The following ROBO1 variants were observed in gnomAD, a reference collection of about 807,000 sequenced individuals.
The protein encoded by ROBO1 is roundabout guidance receptor 1.
In ROBO1, 149 loss-of-function variants were observed where a neutral mutation model predicts 195.9. The ratio of observed to expected loss-of-function variants is 0.76; its 90% CI spans 0.67 to 0.87. The LOEUF (loss-of-function observed/expected upper bound fraction) is 0.87. Ranked by LOEUF, ROBO1 falls within the 40% of genes least tolerant of loss-of-function variation. ROBO1 has a pLI of 0.00. For synonymous variants in ROBO1, 816 were observed against 733.2 expected (o/e 1.11, Z -1.82); for missense variants, 1,933 against 2,068.3 (o/e 0.93, Z 1.27).
rs117866931 is a variant in ROBO1, at chr3:79,667,078, G to A, written c.-50-77117C>T. 3.0e-3 allele frequency among the ~76,000 whole-genome samples: 459 copies of A among 151,712 alleles called. 9 individuals are homozygous for A. The East Asian group carries it at 0.04, about 13-fold the overall frequency. On this transcript the variant is annotated intron_variant, in intron 1 of 30. Coordinates refer to ENST00000464233, the MANE Select transcript of ROBO1 (RefSeq NM_002941.4). ...ATATTTATTTTACTCCTCTGGATTC[G>A]GCCAGTGAGTAGATTACACGTGTCA...
intron 3 of ROBO1, among the ~76,000 whole-genome samples, chr3:78,984,492 T>C (rs2077062072): frequency 1.3e-5 from 2 of 152,278 alleles, no homozygotes; most frequent in African/African-American, 4.8e-5. Flanking sequence ...CAATAATACT[T>C]ACACTGGGAA....
In ROBO1 at chr3:78,606,946, G is replaced by C; in HGVS notation, c.4531C>G (p.Leu1511Val). The part of the protein sequence containing the change: ...LEVRPVVVPK[L>V]PSMDARTDRS... ...TCTGTTCTTGCATCCATAGAAGGGA[G>C]TTTTGGCACCACTACAGGTCGTACT... The change falls in exon 29 of 31, where the codon CTC (leucine) becomes GTC (valine). Residue 1511 changes from leucine to valine, a missense_variant. Leu to Val is a conservative substitution (Grantham distance 32, BLOSUM62 1). Transcript: ENST00000464233. 1 of 1,613,862 alleles carries C rather than the reference G, an allele frequency of 6.2e-7. No homozygotes were observed. Among genetic ancestry groups the C allele is most frequent in the Non-Finnish European group, 8.5e-7 (1 of 1,179,890 alleles).
intron 2 of ROBO1, among the ~76,000 whole-genome samples, chr3:79,256,700 C>T (rs950416703): frequency 6.6e-6 from 1 of 152,142 alleles, no homozygotes; most frequent in Non-Finnish European, 1.5e-5. Flanking sequence ...AAGTACTTTA[C>T]ATCTATTAAC....
chr3:79,519,951 G>A (rs1941135743), intron 2 of ROBO1, among the ~76,000 whole-genome samples: 1 of 152,014 alleles, frequency 6.6e-6, no homozygotes, highest in Non-Finnish European at 1.5e-5. Context: ...TTGAGCCTGG[G>A]AGTTTGAGAC....
intron 2 of ROBO1, among the ~76,000 whole-genome samples, chr3:79,161,335 C>T (rs2080961549): frequency 6.6e-6 from 1 of 151,554 alleles, no homozygotes; most frequent in South Asian, 2.1e-4. Flanking sequence ...TTAAACAAGT[C>T]AAGTTGATGT....
chr3:79,326,895 G>A (rs535806588), intron 2 of ROBO1, among the ~76,000 whole-genome samples: 1 of 152,178 alleles, frequency 6.6e-6, no homozygotes, highest in South Asian at 2.1e-4. Flanking sequence ...TTAGGTGGAT[G>A]AGTGCTGACT....
Position 78,765,199 on chromosome 3 carries a change from T to C in ROBO1, c.500-18299A>G, listed in dbSNP as rs146847491. 2.5e-3 allele frequency among the ~76,000 whole-genome samples: 373 copies of C among 152,164 alleles called. 1 individual carries two copies. The highest frequency in any genetic ancestry group is 8.7e-3 in the African/African-American group (361 of 41,538). ...ATATGCAGATCATGACTGAATATTG[T>C]TGTTTAATCTAAGTCTTGCAGGGAA... is the stretch of plus-strand genomic sequence containing the variant. On this transcript the variant is annotated intron_variant, in intron 4 of 30. Transcript: ENST00000464233.
intron 2 of ROBO1, among the ~76,000 whole-genome samples, chr3:79,293,886 G>C (rs542452237): frequency 6.6e-6 from 1 of 150,554 alleles, no homozygotes; most frequent in Admixed American, 6.6e-5. Flanking sequence ...GTGAAACCCC[G>C]TCTCTACTAA....
At chr3:79,447,019 C>T (rs1329573449) in intron 2 of ROBO1, among the ~76,000 whole-genome samples, 4 of 151,304 alleles carry the variant, frequency 2.6e-5, no homozygotes, top group Admixed American at 2.0e-4. Context: ...TTAGTAGAGA[C>T]GGGGTTTCAC....
At chr3:78,790,197 A>AGC in intron 4 of ROBO1, among the ~76,000 whole-genome samples, 1 of 152,264 alleles carries the variant, frequency 6.6e-6, no homozygotes, top group East Asian at 1.9e-4. Context: ...AAAAGTTACC[A>AGC]ACACATCCAG....
At chr3:79,421,598 T>C (rs1175225427) in intron 2 of ROBO1, among the ~76,000 whole-genome samples, 1 of 152,124 alleles carries the variant, frequency 6.6e-6, no homozygotes, top group Non-Finnish European at 1.5e-5. Context: ...TTTTCTGCAA[T>C]AGGACTACTT....
At chr3:79,128,127 T>C (rs758373456) in intron 2 of ROBO1, among the ~76,000 whole-genome samples, 8 of 152,180 alleles carry the variant, frequency 5.3e-5, no homozygotes, top group Non-Finnish European at 8.8e-5. Flanking sequence ...TTAAATAGCA[T>C]TGATTATGCG....
intron 2 of ROBO1, among the ~76,000 whole-genome samples, chr3:79,193,581 C>CTTTTTTTT (rs869203963): frequency 5.7e-4 from 49 of 85,612 alleles, no homozygotes; most frequent in African/African-American, 8.1e-4. Context: ...TGTGGTTTTG[C>CTTTTTTTT]TTTTTTTTTT....
At chr3:79,049,832 G>A (rs541538885) in intron 3 of ROBO1, among the ~76,000 whole-genome samples, 4 of 152,210 alleles carry the variant, frequency 2.6e-5, no homozygotes, top group African/African-American at 9.6e-5. Flanking sequence ...ATACTTTACA[G>A]ACAAGCAAAT....
At chr3:78,894,893 G>T (rs554776686) in intron 4 of ROBO1, among the ~76,000 whole-genome samples, 56 of 152,330 alleles carry the variant, frequency 3.7e-4, no homozygotes, top group Middle Eastern at 3.4e-3. Flanking sequence ...AACACTGTAA[G>T]CAAAGAGGCT....
At chr3:78,856,769 CAAT>C (rs1316706167) in intron 4 of ROBO1, among the ~76,000 whole-genome samples, 1 of 150,254 alleles carries the variant, frequency 6.7e-6, no homozygotes, top group African/African-American at 2.4e-5. Flanking sequence ...TAACACTGTT[CAAT>C]GTTTTATATA....
chr3:79,340,432 C>A (rs1377481924), intron 2 of ROBO1, among the ~76,000 whole-genome samples: 1 of 152,090 alleles, frequency 6.6e-6, no homozygotes, highest in Non-Finnish European at 1.5e-5. Flanking sequence ...ACTTCTGGAG[C>A]TCCAAAAATT....
At chr3:78,652,083 T>C (rs1260854255) in intron 18 of ROBO1, among the ~76,000 whole-genome samples, 154 bp from the exon 19 acceptor site, 1 of 152,230 alleles carries the variant, frequency 6.6e-6, no homozygotes, top group Admixed American at 6.5e-5. Flanking sequence ...TAGTTCATAC[T>C]GTTTTCAGCA....
chr3:79,667,237 C>A lies in ROBO1; in HGVS notation c.-50-77276G>T, dbSNP rs1434788717. Among the ~76,000 whole-genome samples the A allele has an allele frequency of 2.6e-5, 4 of 151,868 alleles. No homozygotes were observed. In the East Asian group the frequency reaches 7.8e-4, roughly 30 times the overall value. On this transcript the variant is annotated intron_variant, in intron 1 of 30. Coordinates refer to ENST00000464233, the MANE Select transcript of ROBO1 (RefSeq NM_002941.4). ...GTTTAAAATATATTTTGGGATAATG[C>A]AGCATTTAAAATATCCATAAAATAT...
Sources: gnomAD v4.1 joint callset for allele counts (sites outside exome capture counted in the v4.1 genomes callset) on GRCh38, gnomAD v4.1.1 for gene constraint, MANE v1.5 for transcripts, NCBI Gene and HGNC (gene_info 2026-07-23, HGNC 2026-07-21) for gene names.